Variants in RANGAP1 observed in about 807,000 individuals in gnomAD.
The protein encoded by RANGAP1 is ran GTPase-activating protein 1.
Under a neutral mutation model 63.5 loss-of-function variants are expected in RANGAP1, and 38 were observed. The observed-to-expected ratio is 0.60, with a 90% CI of 0.46 to 0.78. The LOEUF (loss-of-function observed/expected upper bound fraction) is 0.78, where lower values mean the gene tolerates loss of function less well. Ranked by LOEUF, RANGAP1 falls within the 30% of genes least tolerant of loss-of-function variation. The pLI is 0.00. For synonymous variants in RANGAP1, 329 were observed against 310.5 expected (o/e 1.06, Z -0.63); for missense variants, 630 against 740.3 (o/e 0.85, Z 1.73).
chr22:41,247,816 C>G (rs957159341), intron 15 of RANGAP1, among the ~76,000 whole-genome samples: 7 of 152,250 alleles, frequency 4.6e-5, no homozygotes, highest in African/African-American at 1.7e-4. Flanking sequence ...CCGGGCATCC[C>G]AGACCATTTG....
At position 41,279,882 on chromosome 22, in the gene RANGAP1, G is replaced by A. The variant is rs965193422; in HGVS notation, c.112+1051C>T. Among the ~76,000 whole-genome samples, 3 of 151,098 alleles carry A rather than the reference G, an allele frequency of 2.0e-5. No homozygotes were observed. In the East Asian group the frequency reaches 5.8e-4, roughly 29 times the overall value. On this transcript the variant is annotated intron_variant, in intron 2 of 15. Transcript: ENST00000356244. ...GGAGGCCAAGGTGGGCAGATCACCT[G>A]AGATGAGGAGTTCGAGAGCATCCTG...
At chr22:41,274,542 A>G (rs2145815387) in intron 3 of RANGAP1, 58 bp downstream of exon 3, 1 of 1,601,882 alleles carries the variant, frequency 6.2e-7, no homozygotes, top group South Asian at 1.1e-5. Flanking sequence ...GGGGTTGTGG[A>G]AGTGTGAACA....
At chr22:41,263,394 GTTTT>G (rs966564862) in intron 5 of RANGAP1, among the ~76,000 whole-genome samples, 7 of 152,018 alleles carry the variant, frequency 4.6e-5, no homozygotes, top group African/African-American at 1.7e-4. Flanking sequence ...TTGTTTGTTT[GTTTT>G]TTTGAGACGG....
Position 41,253,235 on chromosome 22 carries a change from C to CA in RANGAP1, c.1261-245dup, listed in dbSNP as rs1195572478. Reference sequence around the variant, plus strand: ...AGGGGGAAGCTACCTCCCTGGGACTCAAAAAACCTGCTACGGCCAAGTGGA... The same window carrying CA: ...AGGGGGAAGCTACCTCCCTGGGACTCAAAAAAACCTGCTACGGCCAAGTGGA... On this transcript the variant is annotated intron_variant, in intron 11 of 15. Transcript: ENST00000356244. Among the ~76,000 whole-genome samples, 17 of 152,256 alleles carry CA rather than the reference C, an allele frequency of 1.1e-4. 1 individual carries two copies. The highest frequency in any genetic ancestry group is 1.0e-3 in the Admixed American group (16 of 15,292).
chr22:41,266,063 A>C (rs376779305), intron 4 of RANGAP1, among the ~76,000 whole-genome samples: 1 of 152,122 alleles, frequency 6.6e-6, no homozygotes, highest in Non-Finnish European at 1.5e-5. Context: ...TTAGCCGGGC[A>C]TGGTGGCGGG....
At chr22:41,260,242 C>A (rs1235754518) in intron 6 of RANGAP1, among the ~76,000 whole-genome samples, 1 of 152,108 alleles carries the variant, frequency 6.6e-6, no homozygotes, top group Non-Finnish European at 1.5e-5. Context: ...CATTCTAAGC[C>A]CACCAGAGGA....
At chr22:41,258,140 C>T (rs765568839) in intron 6 of RANGAP1, 34 bp from the exon 7 acceptor site, 10 of 1,557,314 alleles carry the variant, frequency 6.4e-6, no homozygotes, top group South Asian at 4.8e-5. Flanking sequence ...GAGGGGGCCC[C>T]GAGTGCCAGG....
Position 41,254,487 on chromosome 22 carries a change from C to A in RANGAP1, c.1081G>T (p.Glu361Ter). Reference sequence around the variant, plus strand: ...CCTTCCTCCTCCTCCTCCTCGTCCTCGTCATCACTGCAGAAAGAGCTGGCT... The same window carrying A: ...CCTTCCTCCTCCTCCTCCTCGTCCTAGTCATCACTGCAGAAAGAGCTGGCT... ...AKVLASLSDD[E>*]DEEEEEEGEE... Residue 361 changes from glutamate (E) to a stop codon, truncating the protein, a stop_gained, in exon 11 of 16, where the codon GAG becomes TAG. Transcript: ENST00000356244. LOFTEE classifies it high-confidence loss of function. 6.3e-7 allele frequency: 1 copy of A among 1,590,934 alleles called. No homozygotes were observed. Among genetic ancestry groups the A allele is most frequent in the Non-Finnish European group, 8.5e-7 (1 of 1,172,664 alleles).
intron 10 of RANGAP1, 106 bp downstream of exon 10, chr22:41,255,915 C>T (rs2033801033): frequency 1.7e-6 from 2 of 1,175,732 alleles, no homozygotes; most frequent in South Asian, 2.7e-5. Flanking sequence ...GATCACGCCA[C>T]TGTACTTTAG....
intron 15 of RANGAP1, among the ~76,000 whole-genome samples, 196 bp from the exon 16 acceptor site, chr22:41,246,868 G>A (rs941383198): frequency 6.6e-6 from 1 of 152,152 alleles, no homozygotes; most frequent in Non-Finnish European, 1.5e-5. Flanking sequence ...GGCACCCAAC[G>A]CCACACAGCC....
intron 5 of RANGAP1, among the ~76,000 whole-genome samples, chr22:41,262,397 C>T (rs568746415): frequency 2.4e-4 from 37 of 152,120 alleles, no homozygotes; most frequent in African/African-American, 8.2e-4. Context: ...CCTGCTAGGG[C>T]CTGGGCATCC....
intron 1 of RANGAP1, chr22:41,285,614 G>T: frequency 1.0e-6 from 1 of 985,430 alleles, no homozygotes; most frequent in Non-Finnish European, 1.2e-6. Flanking sequence ...GTGGCTCTGC[G>T]GGAGCGACGC....
At chr22:41,262,786 C>A (rs1751630770) in intron 5 of RANGAP1, among the ~76,000 whole-genome samples, 1 of 152,218 alleles carries the variant, frequency 6.6e-6, no homozygotes, top group Admixed American at 6.5e-5. Flanking sequence ...TCCCTGGAGG[C>A]CACGTGGTGA....
At chr22:41,299,195 C>T in the RANGAP1 span, among the ~76,000 whole-genome samples, 9 of 151,832 alleles carry the variant, frequency 5.9e-5, no homozygotes, top group African/African-American at 1.7e-4. Context: ...TGCAGTGGCA[C>T]GATCTCGGCT....
intron 1 of RANGAP1, chr22:41,282,227 A>G (rs1043162051): frequency 2.0e-4 from 31 of 152,272 alleles, no homozygotes; most frequent in African/African-American, 7.2e-4. Context: ...ATTTGAGCCC[A>G]GGAGTTCAAA....
At chr22:41,264,290 C>T (rs954556046) in intron 5 of RANGAP1, among the ~76,000 whole-genome samples, 11 of 6,146 alleles carry the variant, frequency 1.8e-3, no homozygotes, top group African/African-American at 6.8e-3. Context: ...GTGACGGTGC[C>T]CCCCCTGAGC....
intron 3 of RANGAP1, among the ~76,000 whole-genome samples, chr22:41,269,119 G>A (rs564915026): frequency 2.8e-4 from 42 of 152,052 alleles, no homozygotes; most frequent in East Asian, 5.8e-4. Context: ...TCACTCTGTC[G>A]CCTAGGCTGG....
chr22:41,290,102 C>T (rs987514873), upstream of RANGAP1, among the ~76,000 whole-genome samples: 1 of 150,042 alleles, frequency 6.7e-6, no homozygotes, highest in Non-Finnish European at 1.5e-5. Flanking sequence ...CATGGTCAGG[C>T]CACTGCACTC....
chr22:41,293,042 T>C, the RANGAP1 span, among the ~76,000 whole-genome samples: 1 of 151,958 alleles, frequency 6.6e-6, no homozygotes, highest in Non-Finnish European at 1.5e-5. Context: ...GAGACCATCC[T>C]GGCTAACATG....
Sources: allele counts gnomAD v4.1 joint callset (sites outside exome capture counted in the v4.1 genomes callset), GRCh38; gene constraint gnomAD v4.1.1; transcripts MANE v1.5; gene names NCBI Gene and HGNC (gene_info 2026-07-23, HGNC 2026-07-21).